IBTK: variants seen among roughly 807,000 people sequenced by gnomAD.
The protein encoded by IBTK is inhibitor of Bruton tyrosine kinase.
Under a neutral mutation model 154.9 loss-of-function variants are expected in IBTK, and 83 were observed. The observed-to-expected ratio is 0.54, with a 90% confidence interval of 0.45 to 0.64. The LOEUF is 0.64. Ranked by LOEUF, IBTK falls within the 30% of genes least tolerant of loss-of-function variation. The probability of loss-of-function intolerance (pLI) is 0.00; values close to 1 mark genes in which losing one functional copy is unlikely to be tolerated. For synonymous variants in IBTK, 515 were observed against 536.1 expected, an observed-to-expected ratio of 0.96 and a Z score of 0.54; for missense variants, 1,332 against 1,584.6, an observed-to-expected ratio of 0.84 and a Z score of 2.71.
intron 16 of IBTK, among the ~76,000 whole-genome samples, chr6:82,208,826 C>G (rs1389764188): frequency 1.3e-5 from 2 of 152,072 alleles, no homozygotes; most frequent in African/African-American, 4.8e-5. Flanking sequence ...AGAGAAAATA[C>G]TTGCAAATCA....
rs1770890230 is a variant in IBTK, at chr6:82,240,282, C to G, written c.205G>C (p.Asp69His). 2.5e-6 allele frequency: 4 copies of G among 1,614,198 alleles called. No homozygotes were observed. Among genetic ancestry groups the G allele is most frequent in the Non-Finnish European group, 2.5e-6 (3 of 1,180,036 alleles). Residue 69 changes from aspartate to histidine, a missense_variant, in exon 2 of 29, where the codon GAT (aspartate) becomes CAT (histidine). Asp to His is a moderately conservative substitution (Grantham distance 81, BLOSUM62 -1). Coordinates refer to ENST00000306270, the MANE Select transcript of IBTK (RefSeq NM_015525.4). Reference protein sequence around the residue: ...VSSCGKKGVLDWLIQKGVDLL... With the variant: ...VSSCGKKGVLHWLIQKGVDLL... The stretch of plus-strand genomic sequence containing the variant: ...TCCACTCCTTTCTGAATAAGCCAAT[C>G]TAACACTCCTTTCTTTCCACAGGAG...
intron 3 of IBTK, among the ~76,000 whole-genome samples, chr6:82,232,780 C>T (rs1479840607): frequency 6.6e-6 from 1 of 152,128 alleles, no homozygotes; most frequent in Non-Finnish European, 1.5e-5. Flanking sequence ...CTTTGAGAGG[C>T]CGAGGAGGGA....
Position 82,198,652 on chromosome 6 carries a change from T to C in IBTK, c.3025+1489A>G, listed in dbSNP as rs148448561. Among the ~76,000 whole-genome samples, 278 of 152,246 alleles carry C rather than the reference T, an allele frequency of 1.8e-3. 2 individuals carry two copies. Among genetic ancestry groups the C allele is most frequent in the African/African-American group, 6.4e-3 (268 of 41,572 alleles). ...TACTCTTCTATTTTTCAAAGTTGTT[T>C]GTATACAGCTGATTGACTATGAAGT... On this transcript the variant is annotated intron_variant, in intron 21 of 28. Coordinates refer to ENST00000306270, the MANE Select transcript of IBTK (RefSeq NM_015525.4).
At chr6:82,223,659 C>G (rs1770181814) in intron 7 of IBTK, 39 bp from the exon 8 acceptor site, 5 of 1,555,456 alleles carry the variant, frequency 3.2e-6, no homozygotes, top group Non-Finnish European at 4.4e-6. Flanking sequence ...CAAAATAGCT[C>G]TTTTAAGAGT....
intron 27 of IBTK, 198 bp from the exon 28 acceptor site, chr6:82,172,710 A>G: frequency 1.8e-6 from 1 of 546,154 alleles, no homozygotes. Context: ...TTTCTCTGAA[A>G]TACTCTTTAG....
intron 8 of IBTK, among the ~76,000 whole-genome samples, chr6:82,221,833 T>C (rs1770111695): frequency 6.6e-6 from 1 of 152,200 alleles, no homozygotes; most frequent in Non-Finnish European, 1.5e-5. Context: ...CACATTTTCA[T>C]GTTTCTATCA....
intron 1 of IBTK, among the ~76,000 whole-genome samples, chr6:82,245,689 G>T (rs1175084162): frequency 6.6e-6 from 1 of 152,020 alleles, no homozygotes; most frequent in African/African-American, 2.4e-5. Flanking sequence ...TAATTCAGAA[G>T]ACAGAAAGAA....
chr6:82,205,340 G>A (rs1769361174), intron 16 of IBTK: 1 of 155,238 alleles, frequency 6.4e-6, no homozygotes. Flanking sequence ...AATACAAAGA[G>A]GGAAAAGTCA....
intron 16 of IBTK, 70 bp from the exon 17 acceptor site, chr6:82,205,028 G>A: frequency 1.2e-6 from 1 of 823,540 alleles, no homozygotes; most frequent in Non-Finnish European, 1.9e-6. Context: ...AAAATTTGAA[G>A]TAATTAGTAC....
intron 21 of IBTK, 58 bp from the exon 22 acceptor site, chr6:82,196,504 A>T: frequency 1.0e-6 from 1 of 998,070 alleles, no homozygotes; most frequent in Non-Finnish European, 1.4e-6. Context: ...TATGCATTAC[A>T]TTCCATGAAC....
chr6:82,179,704 T>C (rs1381412266), intron 26 of IBTK, among the ~76,000 whole-genome samples: 1 of 152,062 alleles, frequency 6.6e-6, no homozygotes, highest in Non-Finnish European at 1.5e-5. Flanking sequence ...TACGGACTGA[T>C]TGGGAGGTGA....
In IBTK at chr6:82,214,258, T is replaced by C; in HGVS notation, c.2173A>G (p.Lys725Glu). The C allele has an allele frequency of 6.2e-7, 1 of 1,610,792 alleles. No homozygotes were observed. The highest frequency in any genetic ancestry group is 8.5e-7 in the Non-Finnish European group (1 of 1,179,106). The change falls in exon 12 of 29, where the codon AAG becomes GAG. Residue 725 changes from lysine to glutamate, a missense_variant. Lys to Glu is a moderately conservative substitution (Grantham distance 56). This residue lies in a region of IBTK where 1,134 missense variants were observed against 1,274.7 expected (regional missense o/e 0.89). Coordinates refer to ENST00000306270, the MANE Select transcript of IBTK (RefSeq NM_015525.4). ...CTCAAATTACTGAAGTCGAATTTCT[T>C]TGCAACAGTTTGCAACATTCTTACA... ...DPVRMLQTVA[K>E]KFDFSNLSSR... is the part of the protein sequence containing the mutation.
At chr6:82,241,150 A>AT (rs1770935573) in intron 1 of IBTK, among the ~76,000 whole-genome samples, 1 of 151,602 alleles carries the variant, frequency 6.6e-6, no homozygotes, top group Non-Finnish European at 1.5e-5. Context: ...TCCTTACTCC[A>AT]TTTTTCCACT....
At position 82,173,674 on chromosome 6, in the gene IBTK, A is replaced by AATATATATATATAT. The variant is rs35757334; in HGVS notation, c.3726-237_3726-236insATATATATATATAT. 2.6e-4 allele frequency: 52 copies of AATATATATATATAT among 197,312 alleles called. 3 individuals carry two copies. The highest frequency in any genetic ancestry group is 8.4e-4 in the East Asian group (8 of 9,516). 12.2% of individuals were successfully genotyped at this position (197,312 alleles called of 1,614,324 possible). ...AAGAAATAGCCTATTTCTAATAATA[A>AATATATATATATAT]ATATATATATACACACACCAGATAA... On this transcript the variant is annotated intron_variant, in intron 26 of 28. Transcript: ENST00000306270.
At position 82,211,584 on chromosome 6, in the gene IBTK, T is replaced by C. The variant is rs769822272; in HGVS notation, c.2292-12A>G. The stretch of plus-strand genomic sequence containing the variant: ...CACACAGAAATGAACTGCAAGAAAA[T>C]GTTTAATTGAAGCAAGAGCAATTTC... On this transcript the variant is annotated splice_polypyrimidine_tract_variant and intron_variant, in intron 13 of 28. Transcript: ENST00000306270. The C allele has an allele frequency of 5.0e-6, 8 of 1,604,396 alleles. No individual in the cohort carries two copies. The Admixed American group carries it at 8.4e-5, about 17-fold the overall frequency.
At chr6:82,200,003 C>T in intron 21 of IBTK, 138 bp downstream of exon 21, 1 of 596,322 alleles carries the variant, frequency 1.7e-6, no homozygotes. Context: ...GAGCAAACTT[C>T]AACTGGAGTA....
At chr6:82,240,874 T>C (rs1770920230) in intron 1 of IBTK, 31 bp from the exon 2 acceptor site, 1 of 405,482 alleles carries the variant, frequency 2.5e-6, no homozygotes, top group Non-Finnish European at 4.3e-6. Flanking sequence ...AAAATAAAAA[T>C]TCAAAATCTG....
intron 1 of IBTK, among the ~76,000 whole-genome samples, chr6:82,244,245 C>T (rs979209330): frequency 4.6e-5 from 7 of 152,222 alleles, no homozygotes; most frequent in East Asian, 1.9e-4. Flanking sequence ...AAAGGTAATA[C>T]ATTTTAACTC....
chr6:82,245,820 C>T (rs1771121950), intron 1 of IBTK, among the ~76,000 whole-genome samples: 1 of 151,262 alleles, frequency 6.6e-6, no homozygotes, highest in Non-Finnish European at 1.5e-5. Context: ...CTTGAATTGA[C>T]AAGATGTGGT....
Sources: allele counts gnomAD v4.1 joint callset (sites outside exome capture counted in the v4.1 genomes callset), GRCh38; gene constraint gnomAD v4.1.1; regional missense constraint gnomAD v4.1.1; transcripts MANE v1.5; gene names NCBI Gene and HGNC (gene_info 2026-07-23, HGNC 2026-07-21).